The following ARHGEF28 variants were observed in gnomAD, a reference collection of about 807,000 sequenced individuals.
The protein encoded by ARHGEF28 is 190 kDa guanine nucleotide exchange factor.
A neutral mutation model predicts 206.6 loss-of-function variants in ARHGEF28; 152 were observed. That is an observed-to-expected ratio of 0.74 (90% CI 0.64 to 0.84). The LOEUF (loss-of-function observed/expected upper bound fraction) is 0.84. Among genes scored for constraint, ARHGEF28 ranks in the 40% least tolerant of loss-of-function variants. ARHGEF28 has a pLI of 0.00. For missense variants in ARHGEF28, 2,028 were observed against 2,073.2 expected, an observed-to-expected ratio of 0.98 and a Z score of 0.42; for synonymous variants, 763 against 776.4, an observed-to-expected ratio of 0.98 and a Z score of 0.29.
intron 2 of ARHGEF28, among the ~76,000 whole-genome samples, chr5:73,723,818 A>T (rs1228147453): frequency 6.6e-6 from 1 of 152,238 alleles, no homozygotes. Context: ...GTGACTATTT[A>T]TCCATGCATT....
intron 26 of ARHGEF28, among the ~76,000 whole-genome samples, 160 bp downstream of exon 26, chr5:73,887,839 A>G (rs1184301961): frequency 6.6e-6 from 1 of 152,224 alleles, no homozygotes; most frequent in Non-Finnish European, 1.5e-5. Flanking sequence ...AGAGACAAGC[A>G]TCTCATTAGG....
intron 28 of ARHGEF28, 139 bp downstream of exon 28, chr5:73,893,427 AACTT>A: frequency 2.0e-6 from 1 of 490,638 alleles, no homozygotes; most frequent in Non-Finnish European, 3.5e-6. Context: ...CCTCCCGAGA[AACTT>A]ACACTAGAAA....
chr5:73,652,706 T>C (rs1457803414), intron 1 of ARHGEF28, among the ~76,000 whole-genome samples: 1 of 152,212 alleles, frequency 6.6e-6, no homozygotes, highest in Admixed American at 6.5e-5. Context: ...AGTAATAATA[T>C]GTTATACATC....
At chr5:73,898,367 TACCCTGC>T (rs1762081026) in intron 30 of ARHGEF28, 1 of 226,120 alleles carries the variant, frequency 4.4e-6, no homozygotes, top group Non-Finnish European at 8.9e-6. Context: ...CCCCAACCCC[TACCCTGC>T]CTCATTTTTG....
At chr5:73,677,330 G>T (rs932216241) in intron 1 of ARHGEF28, among the ~76,000 whole-genome samples, 1 of 152,164 alleles carries the variant, frequency 6.6e-6, no homozygotes, top group African/African-American at 2.4e-5. Flanking sequence ...GCTGCTATGA[G>T]GATCATCTGA....
rs1753381331 is a variant in ARHGEF28 at position 73,773,839 on chromosome 5, G to GT, written c.476-10dup. 2 of 1,574,922 alleles carry GT rather than the reference G, an allele frequency of 1.3e-6. No homozygotes were observed. The highest frequency in any genetic ancestry group is 1.7e-4 in the Middle Eastern group (1 of 5,958). ...AAATGGAGGAACTAATATGGTATGT[G>GT]TTTTTTCCTCTTCAGTATCTTCTCA... On this transcript the variant is annotated splice_polypyrimidine_tract_variant and intron_variant, in intron 4 of 35. Transcript: ENST00000513042.
chr5:73,871,990 A>G (rs1162924226), intron 21 of ARHGEF28, among the ~76,000 whole-genome samples: 1 of 152,076 alleles, frequency 6.6e-6, no homozygotes, highest in Non-Finnish European at 1.5e-5. Flanking sequence ...TCATCAATTG[A>G]TGGACATTTT....
At chr5:73,768,270 A>G (rs1222471522) in intron 4 of ARHGEF28, among the ~76,000 whole-genome samples, 1 of 146,506 alleles carries the variant, frequency 6.8e-6, no homozygotes, top group Non-Finnish European at 1.5e-5. Context: ...AGAGGGCCAC[A>G]ATCTTCCAGA....
intron 2 of ARHGEF28, among the ~76,000 whole-genome samples, chr5:73,702,667 G>A (rs1748674301): frequency 1.3e-5 from 2 of 152,210 alleles, no homozygotes; most frequent in Admixed American, 6.5e-5. Flanking sequence ...CAGTGCACAA[G>A]TGTCCTATTT....
At chr5:73,730,965 G>A (rs1750587367) in intron 2 of ARHGEF28, among the ~76,000 whole-genome samples, 1 of 148,196 alleles carries the variant, frequency 6.7e-6, no homozygotes, top group Non-Finnish European at 1.5e-5. Context: ...TTTTTGCAAT[G>A]ATCAGATGAA....
At chr5:73,870,241 A>C in intron 21 of ARHGEF28, 32 bp downstream of exon 21, 1 of 1,599,698 alleles carries the variant, frequency 6.3e-7, no homozygotes, top group East Asian at 2.2e-5. Flanking sequence ...TTTGGGTTGA[A>C]GCAGTGCGGT....
intron 10 of ARHGEF28, 95 bp downstream of exon 10, chr5:73,832,554 A>G: frequency 2.7e-6 from 4 of 1,478,016 alleles, no homozygotes; most frequent in Non-Finnish European, 3.7e-6. Flanking sequence ...TCCTTTGACA[A>G]TTTTAGCCTA....
At chr5:73,795,125 G>A (rs1323908583) in intron 8 of ARHGEF28, among the ~76,000 whole-genome samples, 1 of 152,146 alleles carries the variant, frequency 6.6e-6, no homozygotes, top group Non-Finnish European at 1.5e-5. Flanking sequence ...GCTTTCAGGT[G>A]TGTTTCAGCT....
At chr5:73,671,469 C>T (rs1390876136) in intron 1 of ARHGEF28, among the ~76,000 whole-genome samples, 3 of 151,914 alleles carry the variant, frequency 2.0e-5, no homozygotes, top group African/African-American at 7.3e-5. Flanking sequence ...TTGTACCCGC[C>T]AGTTCAGTTT....
At chr5:73,842,987 T>TAA (rs35222956) in intron 11 of ARHGEF28, among the ~76,000 whole-genome samples, 2 of 130,648 alleles carry the variant, frequency 1.5e-5, no homozygotes. Flanking sequence ...ACTCTGTCTT[T>TAA]AAAAAAAAAA....
intron 26 of ARHGEF28, among the ~76,000 whole-genome samples, chr5:73,888,779 C>T (rs1395720544): frequency 6.6e-6 from 1 of 152,096 alleles, no homozygotes; most frequent in Non-Finnish European, 1.5e-5. Flanking sequence ...CATATGACCT[C>T]CTGAGGCATT....
chr5:73,794,536 A>C, intron 8 of ARHGEF28, 82 bp downstream of exon 8: 1 of 1,088,118 alleles, frequency 9.2e-7, no homozygotes, highest in South Asian at 1.5e-5. Context: ...AAAAATGTTT[A>C]AAAAACACTA....
At chr5:73,932,840 G>A (rs1402204006) in intron 35 of ARHGEF28, among the ~76,000 whole-genome samples, 1 of 94,706 alleles carries the variant, frequency 1.1e-5, no homozygotes, top group African/African-American at 4.5e-5. Flanking sequence ...ACAGAGTTTC[G>A]CTCTGTCGCC....
chr5:73,919,198 C>T (rs1368087392), intron 35 of ARHGEF28, among the ~76,000 whole-genome samples: 1 of 152,046 alleles, frequency 6.6e-6, no homozygotes, highest in Non-Finnish European at 1.5e-5. Flanking sequence ...ATTCAGGGGT[C>T]GCCTGCCAAC....
Sources: gnomAD v4.1 joint callset for allele counts (sites outside exome capture counted in the v4.1 genomes callset) on GRCh38, gnomAD v4.1.1 for gene constraint, MANE v1.5 for transcripts, NCBI Gene and HGNC (gene_info 2026-07-23, HGNC 2026-07-21) for gene names.